The following ANKS1B variants were observed in gnomAD, a reference collection of about 807,000 sequenced individuals.
The protein encoded by ANKS1B is ankyrin repeat and sterile alpha motif domain-containing protein 1B.
Under a neutral mutation model 148.3 loss-of-function variants are expected in ANKS1B, and 36 were observed. That is an observed-to-expected ratio of 0.24 (90% CI 0.19 to 0.32). The LOEUF is 0.32. ANKS1B is among the 10% of genes least tolerant of loss of function. ANKS1B has a pLI of 1.00. For missense variants in ANKS1B, 1,157 were observed against 1,542.6 expected, an observed-to-expected ratio of 0.75 and a Z score of 4.19; for synonymous variants, 542 against 560.8, an observed-to-expected ratio of 0.97 and a Z score of 0.47.
At chr12:99,950,193 TCAAA>T (rs1247299936) in intron 1 of ANKS1B, among the ~76,000 whole-genome samples, 3 of 141,690 alleles carry the variant, frequency 2.1e-5, no homozygotes, top group Middle Eastern at 3.3e-3. Context: ...ACTCCTGGGC[TCAAA>T]CAATCACCTG....
intron 9 of ANKS1B, among the ~76,000 whole-genome samples, chr12:99,594,240 A>C (rs1392666872): frequency 2.0e-5 from 3 of 152,124 alleles, no homozygotes; most frequent in Non-Finnish European, 4.4e-5. Context: ...AGAAATTGGA[A>C]ACTTCGTGTA....
intron 10 of ANKS1B, among the ~76,000 whole-genome samples, chr12:99,447,770 T>C (rs1046723070): frequency 6.6e-6 from 1 of 151,976 alleles, no homozygotes; most frequent in African/African-American, 2.4e-5. Context: ...AACAATAACC[T>C]GATTTAAAAA....
Position 99,640,958 on chromosome 12 carries a change from T to C in ANKS1B, c.1272+14109A>G, listed in dbSNP as rs111353547. Among the ~76,000 whole-genome samples, 193 of 152,326 alleles carry C rather than the reference T, an allele frequency of 1.3e-3. 1 individual carries two copies. The highest frequency in any genetic ancestry group is 4.0e-3 in the African/African-American group (168 of 41,576). ...TGCTTGTCATAAATAATTCAAACAATGTTTAAGTATATAAAGCAGGAAGTT... is the reference window on the plus strand; with the variant it reads ...TGCTTGTCATAAATAATTCAAACAACGTTTAAGTATATAAAGCAGGAAGTT... On this transcript the variant is annotated intron_variant, in intron 9 of 26. Coordinates refer to ENST00000683438, the MANE Select transcript of ANKS1B (RefSeq NM_001352186.2).
intron 9 of ANKS1B, 108 bp from the exon 10 acceptor site, chr12:99,504,749 T>A: frequency 1.3e-6 from 1 of 750,242 alleles, no homozygotes; most frequent in Non-Finnish European, 2.0e-6. Context: ...CCAAAGTGAT[T>A]GACAGCTGAT....
chr12:99,098,660 TAGAACATAGCACTGTAAATCTTCTAG>T (rs2057036331), intron 15 of ANKS1B, among the ~76,000 whole-genome samples: 2 of 86,380 alleles, frequency 2.3e-5, no homozygotes, highest in East Asian at 4.1e-4. Context: ...TTTTTTTTTT[TAGAACATAGCACTGTAAATCTTCTAG>T]TTTCATGTTG....
intron 10 of ANKS1B, among the ~76,000 whole-genome samples, chr12:99,463,652 T>C (rs570499135): frequency 6.6e-6 from 1 of 152,336 alleles, no homozygotes; most frequent in Non-Finnish European, 1.5e-5. Flanking sequence ...TGTGCATGGC[T>C]CGGAGGGTCC....
At chr12:98,774,465 C>G (rs573878030) in intron 24 of ANKS1B, among the ~76,000 whole-genome samples, 33 of 152,270 alleles carry the variant, frequency 2.2e-4, no homozygotes, top group African/African-American at 7.2e-4. Flanking sequence ...TGGCTGCAAA[C>G]CCTGCTAGAA....
At chr12:98,990,254 A>AT (rs946633744) in intron 17 of ANKS1B, among the ~76,000 whole-genome samples, 51 of 151,864 alleles carry the variant, frequency 3.4e-4, no homozygotes, top group Non-Finnish European at 6.2e-4. Context: ...ATTTCTAAAT[A>AT]TTTTTTGTAG....
At chr12:99,597,130 A>T (rs1308548274) in intron 9 of ANKS1B, among the ~76,000 whole-genome samples, 1 of 151,966 alleles carries the variant, frequency 6.6e-6, no homozygotes, top group Non-Finnish European at 1.5e-5. Flanking sequence ...CATTAAAATT[A>T]CATTATAATT....
chr12:99,316,191 T>C (rs1481675105), intron 12 of ANKS1B, among the ~76,000 whole-genome samples: 1 of 152,206 alleles, frequency 6.6e-6, no homozygotes, highest in Non-Finnish European at 1.5e-5. Context: ...TACCCAGTAA[T>C]GGGATTGCTG....
At chr12:99,029,540 A>G (rs1037631642) in intron 17 of ANKS1B, among the ~76,000 whole-genome samples, 13 of 152,236 alleles carry the variant, frequency 8.5e-5, no homozygotes, top group African/African-American at 2.9e-4. Context: ...CACAATCTAC[A>G]GTGAAGTACT....
chr12:98,824,474 C>G (rs1334679453), intron 19 of ANKS1B, among the ~76,000 whole-genome samples: 1 of 152,056 alleles, frequency 6.6e-6, no homozygotes, highest in African/African-American at 2.4e-5. Context: ...GGGTCTGAAC[C>G]GATAGTCATA....
intron 14 of ANKS1B, among the ~76,000 whole-genome samples, chr12:99,233,255 C>G (rs909360121): frequency 2.0e-5 from 3 of 151,916 alleles, no homozygotes; most frequent in African/African-American, 7.3e-5. Context: ...TAAGGGATAC[C>G]TAAACTGTAG....
intron 12 of ANKS1B, among the ~76,000 whole-genome samples, chr12:99,377,110 C>A (rs112654074): frequency 6.6e-6 from 1 of 151,738 alleles, no homozygotes; most frequent in African/African-American, 2.4e-5. Context: ...CAGGTTCAAG[C>A]GATTCTCCTG....
At chr12:98,808,443 G>A (rs529750371) in intron 19 of ANKS1B, among the ~76,000 whole-genome samples, 3 of 152,286 alleles carry the variant, frequency 2.0e-5, no homozygotes, top group Admixed American at 6.5e-5. Context: ...GCAAAACTCG[G>A]TAGTTAACAA....
At chr12:99,449,329 T>C (rs560256545) in intron 10 of ANKS1B, among the ~76,000 whole-genome samples, 49 of 152,318 alleles carry the variant, frequency 3.2e-4, no homozygotes, top group African/African-American at 1.2e-3. Flanking sequence ...TGTTGCTTAT[T>C]ATTCAACCTG....
intron 11 of ANKS1B, among the ~76,000 whole-genome samples, chr12:99,434,006 T>C (rs1243239656): frequency 6.6e-6 from 1 of 152,160 alleles, no homozygotes; most frequent in Non-Finnish European, 1.5e-5. Context: ...ACTGTGTTTA[T>C]TGAATAAATA....
At chr12:99,484,264 T>C (rs942697924) in intron 10 of ANKS1B, among the ~76,000 whole-genome samples, 2 of 152,008 alleles carry the variant, frequency 1.3e-5, no homozygotes, top group African/African-American at 4.8e-5. Context: ...CAGATATCAT[T>C]GAGGAGCAGG....
chr12:99,812,058 T>C, intron 3 of ANKS1B, 97 bp downstream of exon 3: 2 of 1,427,008 alleles, frequency 1.4e-6, no homozygotes, highest in Non-Finnish European at 1.9e-6. Flanking sequence ...GGAAAGGCCT[T>C]TGGGCAAGGT....
Sources: allele counts gnomAD v4.1 joint callset (sites outside exome capture counted in the v4.1 genomes callset), GRCh38; gene constraint gnomAD v4.1.1; transcripts MANE v1.5; gene names NCBI Gene and HGNC (gene_info 2026-07-23, HGNC 2026-07-21).